LRP1B: variants seen among roughly 807,000 people sequenced by gnomAD.
The protein encoded by LRP1B is low-density lipoprotein receptor-related protein 1B.
LRP1B carries 217 observed loss-of-function variants against 556.6 expected under a neutral mutation model. The observed-to-expected ratio is 0.39, with a 90% CI of 0.35 to 0.44. The LOEUF (loss-of-function observed/expected upper bound fraction) is 0.44. LRP1B is among the 20% of genes least tolerant of loss of function. The pLI is 1.00. For missense variants in LRP1B, 5,053 were observed against 5,620.8 expected (o/e 0.90, Z 3.23); for synonymous variants, 2,047 against 1,865.8 (o/e 1.10, Z -2.50).
intron 66 of LRP1B, among the ~76,000 whole-genome samples, chr2:140,440,914 G>T (rs1686397895): frequency 6.6e-6 from 1 of 151,944 alleles, no homozygotes; most frequent in South Asian, 2.1e-4. Context: ...CAGATGCTTT[G>T]GTGTCAAATA....
chr2:140,364,929 A>G, intron 71 of LRP1B, 146 bp from the exon 72 acceptor site: 1 of 584,992 alleles, frequency 1.7e-6, no homozygotes, highest in East Asian at 3.0e-5. Flanking sequence ...TAATACCAGG[A>G]ACAAGTAATA....
intron 3 of LRP1B, among the ~76,000 whole-genome samples, chr2:141,291,875 A>AAAAC (rs1685975702): frequency 1.1e-5 from 1 of 89,576 alleles, no homozygotes; most frequent in Non-Finnish European, 2.8e-5. Flanking sequence ...AAAAAAAAAA[A>AAAAC]AAAAAAAAAA....
At chr2:142,028,023 A>T (rs1703566515) in intron 1 of LRP1B, among the ~76,000 whole-genome samples, 1 of 151,982 alleles carries the variant, frequency 6.6e-6, no homozygotes, top group South Asian at 2.1e-4. Flanking sequence ...GATTACAAAT[A>T]CATATTGACA....
At chr2:142,075,903 T>C (rs777766746) in intron 1 of LRP1B, among the ~76,000 whole-genome samples, 5 of 151,222 alleles carry the variant, frequency 3.3e-5, no homozygotes, top group Non-Finnish European at 5.9e-5. Context: ...AAGAAAATTG[T>C]CTGAATCAAA....
chr2:141,872,147 A>G (rs936905595), intron 1 of LRP1B, among the ~76,000 whole-genome samples: 1 of 151,978 alleles, frequency 6.6e-6, no homozygotes, highest in African/African-American at 2.4e-5. Context: ...CATTCCTTCT[A>G]GGGGAAAAAA....
chr2:141,421,906 T>C (rs1171534057), intron 3 of LRP1B, among the ~76,000 whole-genome samples: 1 of 152,216 alleles, frequency 6.6e-6, no homozygotes, highest in Non-Finnish European at 1.5e-5. Flanking sequence ...TTGAATGTAA[T>C]GTCTTTCATC....
chr2:140,828,852 T>C (rs568577524), intron 31 of LRP1B, among the ~76,000 whole-genome samples: 1 of 151,278 alleles, frequency 6.6e-6, no homozygotes, highest in East Asian at 1.9e-4. Flanking sequence ...ATTCAGGCTT[T>C]TTTATTTAGG....
chr2:141,723,629 GC>G (rs1290720006), intron 2 of LRP1B, among the ~76,000 whole-genome samples: 10 of 151,816 alleles, frequency 6.6e-5, no homozygotes, highest in Non-Finnish European at 1.3e-4. Context: ...GGGTGACCTT[GC>G]CTTTGTTTAT....
At chr2:140,461,777 T>C (rs1558898646) in intron 60 of LRP1B, among the ~76,000 whole-genome samples, 1 of 151,994 alleles carries the variant, frequency 6.6e-6, no homozygotes, top group Admixed American at 6.6e-5. Flanking sequence ...GAGGTTGCAG[T>C]GAGCTGTGAT....
rs560828490 is a variant in LRP1B, at chr2:140,319,143, A to G, written c.12640+2820T>C. On this transcript the variant is annotated intron_variant, in intron 82 of 90. Coordinates refer to ENST00000389484, the MANE Select transcript of LRP1B (RefSeq NM_018557.3). Reference sequence around the variant, plus strand: ...TAGTTTTGGACACATAATTTGGACCAAACAAAGAGGAAAGGAGGAGGATTA... The same window carrying G: ...TAGTTTTGGACACATAATTTGGACCGAACAAAGAGGAAAGGAGGAGGATTA... Among the ~76,000 whole-genome samples the G allele has an allele frequency of 5.3e-5, 8 of 151,714 alleles. No individual in the cohort carries two copies. In the South Asian group the frequency reaches 1.7e-3, roughly 31 times the overall value.
At chr2:140,380,286 C>T (rs1192425202) in intron 67 of LRP1B, among the ~76,000 whole-genome samples, 2 of 151,998 alleles carry the variant, frequency 1.3e-5, no homozygotes, top group Non-Finnish European at 2.9e-5. Flanking sequence ...CATTGCTTCC[C>T]ATACAATTGA....
At chr2:141,388,142 A>G (rs112177252) in intron 3 of LRP1B, among the ~76,000 whole-genome samples, 1,651 of 152,316 alleles carry the variant, frequency 0.011, 32 homozygotes, top group African/African-American at 0.037. Flanking sequence ...TTTCATTAAA[A>G]TAATACTCAA....
intron 23 of LRP1B, among the ~76,000 whole-genome samples, chr2:140,895,210 G>A (rs765595490): frequency 2.6e-5 from 4 of 151,870 alleles, no homozygotes; most frequent in African/African-American, 4.8e-5. Flanking sequence ...AAAAAATAGA[G>A]AATAAGAACA....
At chr2:141,455,138 A>C (rs1681581762) in intron 3 of LRP1B, among the ~76,000 whole-genome samples, 1 of 152,090 alleles carries the variant, frequency 6.6e-6, no homozygotes, top group African/African-American at 2.4e-5. Flanking sequence ...GAAAATGCCT[A>C]TGTGCTACAT....
At chr2:141,284,722 A>C (rs1685641092) in intron 3 of LRP1B, among the ~76,000 whole-genome samples, 1 of 152,204 alleles carries the variant, frequency 6.6e-6, no homozygotes, top group Admixed American at 6.5e-5. Context: ...TTGTGAAAAG[A>C]CTTTTTTCCA....
intron 6 of LRP1B, among the ~76,000 whole-genome samples, chr2:141,228,874 C>T (rs1302943211): frequency 6.6e-6 from 1 of 151,986 alleles, no homozygotes; most frequent in Non-Finnish European, 1.5e-5. Flanking sequence ...CCCACCTTCA[C>T]TATCACATTG....
At chr2:140,307,057 T>C (rs914311794) in intron 83 of LRP1B, among the ~76,000 whole-genome samples, 1 of 152,038 alleles carries the variant, frequency 6.6e-6, no homozygotes, top group Non-Finnish European at 1.5e-5. Flanking sequence ...GTCCCTTACA[T>C]AGCAAAATCT....
intron 3 of LRP1B, among the ~76,000 whole-genome samples, chr2:141,293,418 C>T (rs1686053487): frequency 6.6e-6 from 1 of 152,118 alleles, no homozygotes. Context: ...TATGAACATC[C>T]ATGAAACTGA....
rs555557414 is a variant in LRP1B at position 140,435,940 on chromosome 2, C to T, written c.10414+6564G>A. ...TCAATGCAAAATAAATGCCATTATGCGGGCTCTCTCTCACATACACACTCT... is the reference window on the plus strand; with the variant it reads ...TCAATGCAAAATAAATGCCATTATGTGGGCTCTCTCTCACATACACACTCT... On this transcript the variant is annotated intron_variant, in intron 66 of 90. Transcript: ENST00000389484. Among the ~76,000 whole-genome samples the T allele has an allele frequency of 2.1e-4, 32 of 151,924 alleles. 1 individual carries two copies. The highest frequency in any genetic ancestry group is 3.4e-3 in the Middle Eastern group (1 of 294).
Sources: gnomAD v4.1 joint callset for allele counts (sites outside exome capture counted in the v4.1 genomes callset) on GRCh38, gnomAD v4.1.1 for gene constraint, MANE v1.5 for transcripts, NCBI Gene and HGNC (gene_info 2026-07-23, HGNC 2026-07-21) for gene names.